BTBD9: variants seen among roughly 807,000 people sequenced by gnomAD.
BTBD9 encodes BTB domain containing 9.
BTBD9 carries 49 observed loss-of-function variants against 64.3 expected under a neutral mutation model. The observed-to-expected ratio is 0.76, with a 90% CI of 0.61 to 0.97. The LOEUF (loss-of-function observed/expected upper bound fraction) is 0.97, where lower values mean the gene tolerates loss of function less well. BTBD9 is among the 50% of genes least tolerant of loss of function. BTBD9 has a pLI of 0.00. For missense variants in BTBD9, 598 were observed against 762.1 expected (o/e 0.78, Z 2.53); for synonymous variants, 260 against 274.7 (o/e 0.95, Z 0.53).
chr6:38,384,404 T>C (rs1206208875), intron 6 of BTBD9, among the ~76,000 whole-genome samples: 2 of 152,188 alleles, frequency 1.3e-5, no homozygotes, highest in Non-Finnish European at 2.9e-5. Flanking sequence ...AAGATTGCTA[T>C]CAGATATAAA....
intron 6 of BTBD9, among the ~76,000 whole-genome samples, chr6:38,547,646 T>A (rs1364942390): frequency 6.6e-6 from 1 of 152,154 alleles, no homozygotes; most frequent in Non-Finnish European, 1.5e-5. Flanking sequence ...TGTTCCTTCA[T>A]CCGTTCATGC....
At chr6:38,587,449 C>A in intron 4 of BTBD9, 1 of 547,904 alleles carries the variant, frequency 1.8e-6, no homozygotes. Context: ...GCTAATGATG[C>A]AACGAGTTTT....
At chr6:38,245,080 A>G (rs1318980152) in intron 9 of BTBD9, among the ~76,000 whole-genome samples, 1 of 152,206 alleles carries the variant, frequency 6.6e-6, no homozygotes, top group Non-Finnish European at 1.5e-5. Context: ...GCATGCTTCT[A>G]TTCATTCAGA....
intron 7 of BTBD9, among the ~76,000 whole-genome samples, chr6:38,303,867 ATATAT>A (rs1220470523): frequency 4.2e-5 from 5 of 119,248 alleles, no homozygotes; most frequent in African/African-American, 7.9e-5. Context: ...ATATATATAT[ATATAT>A]ATACACACAC....
intron 9 of BTBD9, among the ~76,000 whole-genome samples, chr6:38,217,699 C>T (rs9394477): frequency 0.75 from 105,022 of 140,292 alleles, 37,604 homozygotes; most frequent in East Asian, 0.96. Context: ...TTTCTTTTTT[C>T]TTTTTTTTTT....
At chr6:38,545,219 G>C (rs1393045858) in intron 6 of BTBD9, among the ~76,000 whole-genome samples, 2 of 151,920 alleles carry the variant, frequency 1.3e-5, no homozygotes, top group African/African-American at 2.4e-5. Context: ...AGCCTCCCAA[G>C]TAGCTGGGAT....
intron 1 of BTBD9, among the ~76,000 whole-genome samples, chr6:38,632,243 T>C (rs1040093446): frequency 6.6e-6 from 1 of 152,264 alleles, no homozygotes; most frequent in Non-Finnish European, 1.5e-5. Flanking sequence ...TATAAATTTA[T>C]AGAAATATTT....
rs191674381 is a variant in BTBD9 at position 38,456,598 on chromosome 6, C to A, written c.1155-111505G>T. Among the ~76,000 whole-genome samples, 19 of 152,190 alleles carry A rather than the reference C, an allele frequency of 1.2e-4. No homozygotes were observed. In the East Asian group the frequency reaches 3.3e-3, roughly 26 times the overall value. ...CTCAGTGTGGTTTTAATCTGCATCA[C>A]CCTAATGACTAATGATAATGGGCAT... On this transcript the variant is annotated intron_variant, in intron 6 of 10. Coordinates refer to ENST00000481247, the MANE Select transcript of BTBD9 (RefSeq NM_001099272.2).
At chr6:38,397,984 T>A (rs145318741) in intron 6 of BTBD9, among the ~76,000 whole-genome samples, 1 of 151,650 alleles carries the variant, frequency 6.6e-6, no homozygotes, top group African/African-American at 2.4e-5. Flanking sequence ...GTAGAAGGAA[T>A]GGAGCAGGAG....
chr6:38,598,165 T>G, intron 1 of BTBD9, 44 bp from the exon 2 acceptor site: 7 of 1,427,042 alleles, frequency 4.9e-6, no homozygotes, highest in Non-Finnish European at 6.7e-6. Context: ...GGGAGGGGAG[T>G]ACACATAGAA....
chr6:38,186,644 C>T (rs1479454602), intron 10 of BTBD9, among the ~76,000 whole-genome samples: 3 of 152,192 alleles, frequency 2.0e-5, no homozygotes, highest in African/African-American at 7.2e-5. Context: ...AGGCACCACG[C>T]TAGGTGCCAG....
At chr6:38,267,784 C>T (rs1319240519) in intron 8 of BTBD9, among the ~76,000 whole-genome samples, 1 of 152,020 alleles carries the variant, frequency 6.6e-6, no homozygotes, top group Non-Finnish European at 1.5e-5. Flanking sequence ...ACTAAAAATA[C>T]AAAAAATTAG....
intron 8 of BTBD9, among the ~76,000 whole-genome samples, chr6:38,287,397 C>T (rs772236034): frequency 3.0e-4 from 46 of 152,092 alleles, no homozygotes; most frequent in Non-Finnish European, 5.6e-4. Context: ...CGCCCACCTC[C>T]GCCTCCCAAA....
chr6:38,621,442 G>GA (rs1297137353), intron 1 of BTBD9, among the ~76,000 whole-genome samples: 3 of 152,160 alleles, frequency 2.0e-5, no homozygotes, highest in East Asian at 3.9e-4. Flanking sequence ...CCTATATACT[G>GA]ATGGAAGTTC....
At chr6:38,559,004 G>T (rs549653408) in intron 6 of BTBD9, among the ~76,000 whole-genome samples, 95 of 152,290 alleles carry the variant, frequency 6.2e-4, no homozygotes, top group African/African-American at 2.2e-3. Context: ...GAATTTGGCT[G>T]TGAATCCATC....
At chr6:38,319,259 G>A (rs976284281) in intron 7 of BTBD9, among the ~76,000 whole-genome samples, 3 of 152,100 alleles carry the variant, frequency 2.0e-5, no homozygotes, top group Admixed American at 6.5e-5. Flanking sequence ...TCCTCACTGT[G>A]GCTAAGCTGG....
At chr6:38,621,502 G>A (rs1163586311) in intron 1 of BTBD9, among the ~76,000 whole-genome samples, 3 of 152,204 alleles carry the variant, frequency 2.0e-5, no homozygotes, top group Non-Finnish European at 4.4e-5. Flanking sequence ...AGTTAGTGAT[G>A]TAACAGTACC....
chr6:38,390,070 A>G (rs1486375173), intron 6 of BTBD9, among the ~76,000 whole-genome samples: 2 of 152,222 alleles, frequency 1.3e-5, no homozygotes, highest in Non-Finnish European at 2.9e-5. Context: ...CAATGAAGTG[A>G]CTGAAAATAC....
chr6:38,332,498 A>T (rs1763718061), intron 7 of BTBD9, among the ~76,000 whole-genome samples: 1 of 152,134 alleles, frequency 6.6e-6, no homozygotes, highest in African/African-American at 2.4e-5. Context: ...TGATTGCTTT[A>T]TTTATCTACC....
Sources: gnomAD v4.1 joint callset for allele counts (sites outside exome capture counted in the v4.1 genomes callset) on GRCh38, gnomAD v4.1.1 for gene constraint, MANE v1.5 for transcripts, NCBI Gene and HGNC (gene_info 2026-07-23, HGNC 2026-07-21) for gene names.